CSMD1: variants seen among roughly 807,000 people sequenced by gnomAD.
CSMD1 encodes CUB and Sushi multiple domains 1, also known as CUB and sushi domain-containing protein 1.
CSMD1 carries 213 observed loss-of-function variants against 417.5 expected under a neutral mutation model. The ratio of observed to expected loss-of-function variants is 0.51; its 90% confidence interval spans 0.46 to 0.57. The LOEUF (loss-of-function observed/expected upper bound fraction) is 0.57, where lower values mean the gene tolerates loss of function less well. Among genes scored for constraint, CSMD1 ranks in the 20% least tolerant of loss-of-function variants. The pLI is 0.00. For synonymous variants in CSMD1, 2,862 were observed against 1,736.8 expected (o/e 1.65, Z -16.11); for missense variants, 6,923 against 4,529.7 (o/e 1.53, Z -15.17).
intron 1 of CSMD1, among the ~76,000 whole-genome samples, chr8:4,720,964 C>T (rs1469721418): frequency 6.6e-6 from 1 of 152,122 alleles, no homozygotes; most frequent in Non-Finnish European, 1.5e-5. Context: ...CTTGCCCTGC[C>T]TACTTCACCG....
intron 5 of CSMD1, among the ~76,000 whole-genome samples, chr8:3,851,492 T>C (rs1253738451): frequency 6.6e-6 from 1 of 152,172 alleles, no homozygotes; most frequent in Admixed American, 6.5e-5. Context: ...AAAGACCTAG[T>C]GTCTTGAGAC....
chr8:3,022,724 G>C (rs1175845870), intron 51 of CSMD1, among the ~76,000 whole-genome samples: 1 of 149,224 alleles, frequency 6.7e-6, no homozygotes, highest in South Asian at 2.2e-4. Context: ...CCTCCATGAA[G>C]AATAAACAGC....
In CSMD1 at chr8:3,187,881, C is replaced by T. The variant is rs1396653623; in HGVS notation, c.5608G>A (p.Gly1870Arg). 2.5e-6 allele frequency: 4 copies of T among 1,612,492 alleles called. No homozygotes were observed. The South Asian group carries it at 3.3e-5, about 13-fold the overall frequency. ...DGGDVTAPRLGSFSGTTVPAL... is the reference protein window; with the variant it reads ...DGGDVTAPRLRSFSGTTVPAL... ...GACTCCATCTTACCTGAGAAGCTTC[C>T]CAGTCTGGGTGCGGTCACATCCCCA... The change falls in exon 36 of 70, where the codon GGA becomes AGA. Residue 1870 changes from glycine (G) to arginine (R), a missense_variant. By Grantham distance (125) the Gly-to-Arg change is moderately radical (BLOSUM62 -2). Coordinates refer to ENST00000635120, the MANE Select transcript of CSMD1 (RefSeq NM_033225.6).
At chr8:4,339,214 G>C (rs1403475555) in intron 3 of CSMD1, among the ~76,000 whole-genome samples, 1 of 152,092 alleles carries the variant, frequency 6.6e-6, no homozygotes, top group African/African-American at 2.4e-5. Context: ...GTATACCCCA[G>C]GCAATAAGCC....
intron 69 of CSMD1, among the ~76,000 whole-genome samples, chr8:2,940,078 G>T (rs1801762590): frequency 6.6e-6 from 1 of 152,176 alleles, no homozygotes; most frequent in Admixed American, 6.5e-5. Context: ...AGCAGAAACA[G>T]GGTTTTTCTG....
At chr8:3,905,671 G>A (rs2627419) in intron 5 of CSMD1, among the ~76,000 whole-genome samples, 4,344 of 152,184 alleles carry the variant, frequency 0.029, 208 homozygotes, top group African/African-American at 0.1. Flanking sequence ...GCCAGTCCAG[G>A]AACCACTCTT....
intron 12 of CSMD1, among the ~76,000 whole-genome samples, chr8:3,454,922 C>T (rs963730190): frequency 3.9e-5 from 6 of 152,188 alleles, no homozygotes; most frequent in Admixed American, 2.6e-4. Context: ...AACTTGGTTC[C>T]ATTCTCCCCG....
chr8:3,034,093 G>C (rs1300557791), intron 50 of CSMD1, among the ~76,000 whole-genome samples: 3 of 152,152 alleles, frequency 2.0e-5, no homozygotes, highest in African/African-American at 7.2e-5. Context: ...GAGCTCTCTG[G>C]ACCTTGCCTG....
chr8:4,824,271 A>G (rs1339014503), intron 1 of CSMD1, among the ~76,000 whole-genome samples: 6 of 152,074 alleles, frequency 3.9e-5, no homozygotes, highest in Non-Finnish European at 7.4e-5. Context: ...AATACATGAA[A>G]TACACAAGTT....
chr8:4,750,307 T>C (rs1398288898), intron 1 of CSMD1, among the ~76,000 whole-genome samples: 1 of 152,160 alleles, frequency 6.6e-6, no homozygotes, highest in Non-Finnish European at 1.5e-5. Flanking sequence ...TGCCCGGCCC[T>C]GACTTTTACT....
At chr8:3,994,881 G>A (rs926218429) in intron 5 of CSMD1, among the ~76,000 whole-genome samples, 7 of 152,060 alleles carry the variant, frequency 4.6e-5, no homozygotes, top group African/African-American at 1.2e-4. Flanking sequence ...GAGTGCCCTT[G>A]CTTATATGCC....
chr8:3,961,269 A>G (rs1291486313), intron 5 of CSMD1, among the ~76,000 whole-genome samples: 3 of 152,182 alleles, frequency 2.0e-5, no homozygotes, highest in African/African-American at 7.2e-5. Context: ...AGTTATAAGC[A>G]TAAAAGTTAT....
chr8:3,896,262 G>A (rs1300501653), intron 5 of CSMD1, among the ~76,000 whole-genome samples: 2 of 152,094 alleles, frequency 1.3e-5, no homozygotes, highest in Non-Finnish European at 2.9e-5. Flanking sequence ...AGTCCTTCCA[G>A]AACTTGTATC....
chr8:4,037,132 T>C (rs1394583252), intron 3 of CSMD1, among the ~76,000 whole-genome samples: 1 of 152,252 alleles, frequency 6.6e-6, no homozygotes, highest in African/African-American at 2.4e-5. Flanking sequence ...TATTAATCTT[T>C]CTTAAGTGAA....
At chr8:3,411,091 G>C (rs752999979) in intron 12 of CSMD1, among the ~76,000 whole-genome samples, 1 of 152,178 alleles carries the variant, frequency 6.6e-6, no homozygotes, top group African/African-American at 2.4e-5. Context: ...TGTTTGTGCA[G>C]AGTGATGCAG....
chr8:4,400,111 A>G lies in CSMD1; in HGVS notation c.415+19842T>C, dbSNP rs34272328. ...ATACGAGTACATTAAAATAGTGTAT[A>G]CTCTCTGCTCTATAGTAATTTGTAT... On this transcript the variant is annotated intron_variant, in intron 3 of 69. Coordinates refer to ENST00000635120, the MANE Select transcript of CSMD1 (RefSeq NM_033225.6). 8.1e-3 allele frequency among the ~76,000 whole-genome samples: 1,231 copies of G among 152,120 alleles called. 4 individuals are homozygous for G. The highest frequency in any genetic ancestry group is 0.011 in the Admixed American group (172 of 15,282).
In CSMD1 at chr8:3,266,673, G is replaced by A. The variant is rs189686945; in HGVS notation, c.4153+17471C>T. ...ATCTGTAATCCCAGCTACTCAGGAG[G>A]CTAAGGCAGGAGAACCGCTTGAACC... is the stretch of plus-strand genomic sequence containing the variant. On this transcript the variant is annotated intron_variant, in intron 26 of 69. Coordinates refer to ENST00000635120, the MANE Select transcript of CSMD1 (RefSeq NM_033225.6). Among the ~76,000 whole-genome samples the A allele has an allele frequency of 3.4e-3, 514 of 150,714 alleles. 1 individual carries two copies. The highest frequency in any genetic ancestry group is 5.5e-3 in the Non-Finnish European group (374 of 67,820).
chr8:3,795,084 TATAG>T (rs1316050366), intron 5 of CSMD1, among the ~76,000 whole-genome samples: 21 of 137,208 alleles, frequency 1.5e-4, no homozygotes, highest in South Asian at 4.9e-4. Flanking sequence ...CATGTACAGC[TATAG>T]ATATATATCT....
chr8:3,911,029 T>C (rs892171796), intron 5 of CSMD1, among the ~76,000 whole-genome samples: 2 of 152,270 alleles, frequency 1.3e-5, no homozygotes. Flanking sequence ...GCTGCCCAGC[T>C]AGCCCTCTGG....
Sources: allele counts gnomAD v4.1 joint callset (sites outside exome capture counted in the v4.1 genomes callset), GRCh38; gene constraint gnomAD v4.1.1; transcripts MANE v1.5; gene names NCBI Gene and HGNC (gene_info 2026-07-23, HGNC 2026-07-21).